Variants in COG3 observed in about 807,000 individuals in gnomAD.
COG3 encodes the protein conserved oligomeric Golgi complex subunit 3.
In COG3, 32 loss-of-function variants were observed where a neutral mutation model predicts 114.1. The observed-to-expected ratio is 0.28, with a 90% CI of 0.21 to 0.38. The LOEUF is 0.38. Among genes scored for constraint, COG3 ranks in the 10% least tolerant of loss-of-function variants. The probability of loss-of-function intolerance (pLI) is 1.00; values close to 1 mark genes in which losing one functional copy is unlikely to be tolerated. For synonymous variants in COG3, 352 were observed against 365.7 expected (o/e 0.96, Z 0.43); for missense variants, 813 against 973.2 (o/e 0.84, Z 2.19).
intron 21 of COG3, 25 bp from the exon 22 acceptor site, chr13:45,530,657 A>G: frequency 7.2e-7 from 1 of 1,381,192 alleles, no homozygotes; most frequent in Non-Finnish European, 1.0e-6. Flanking sequence ...CTCATTTGAT[A>G]AGATCTCCTC....
intron 9 of COG3, 103 bp downstream of exon 9, chr13:45,491,061 G>T: frequency 1.3e-6 from 1 of 777,740 alleles, no homozygotes; most frequent in Non-Finnish European, 2.1e-6. Flanking sequence ...TTGCCTTCCA[G>T]CTTGTTCTTG....
At chr13:45,534,009 G>A (rs1422391077) in intron 22 of COG3, among the ~76,000 whole-genome samples, 1 of 152,244 alleles carries the variant, frequency 6.6e-6, no homozygotes, top group Non-Finnish European at 1.5e-5. Flanking sequence ...GGGCCTGGGT[G>A]TCAGACACCT....
chr13:45,532,514 C>T (rs1873241386), intron 22 of COG3, among the ~76,000 whole-genome samples: 1 of 151,254 alleles, frequency 6.6e-6, no homozygotes, highest in African/African-American at 2.4e-5. Context: ...CCCTTCCCTC[C>T]CCTATAGTTA....
rs781485191 is a variant in COG3, at chr13:45,476,288, C to A, written c.262C>A (p.Leu88Ile). ...SVVPESTEDI[L>I]LKGFTSLGME... ...AGTGCCTGAATCTACAGAAGACATTCTCTTGAAGGGCTTCACTTCCTTAGG... is the reference window on the plus strand; with the variant it reads ...AGTGCCTGAATCTACAGAAGACATTATCTTGAAGGGCTTCACTTCCTTAGG... The change falls in exon 2 of 23, where the codon CTC becomes ATC. Residue 88 changes from leucine (L) to isoleucine (I), a missense_variant. Around this residue, in one of 2 missense-constraint regions of COG3, gnomAD observed 424 missense variants for 430.6 expected, o/e 0.98. Transcript: ENST00000349995. The A allele has an allele frequency of 6.8e-6, 11 of 1,613,996 alleles. No homozygotes were observed. The South Asian group carries it at 8.8e-5, about 13-fold the overall frequency.
At chr13:45,528,611 T>C (rs1872898374) in intron 20 of COG3, among the ~76,000 whole-genome samples, 2 of 152,342 alleles carry the variant, frequency 1.3e-5, no homozygotes, top group East Asian at 1.9e-4. Flanking sequence ...CTTCCCAAAA[T>C]TGTTTATGTG....
intron 13 of COG3, 22 bp from the exon 14 acceptor site, chr13:45,503,222 T>C: frequency 8.5e-7 from 1 of 1,175,798 alleles, no homozygotes; most frequent in Non-Finnish European, 1.3e-6. Context: ...ACGGTAACAT[T>C]CCTTCTGATT....
chr13:45,529,984 A>C, intron 21 of COG3, 66 bp downstream of exon 21: 1 of 1,528,136 alleles, frequency 6.5e-7, no homozygotes, highest in East Asian at 2.4e-5. Flanking sequence ...CTCATTTACC[A>C]TTTTCCTTTT....
intron 14 of COG3, among the ~76,000 whole-genome samples, chr13:45,507,923 G>T (rs961354261): frequency 9.3e-5 from 14 of 151,024 alleles, no homozygotes; most frequent in Non-Finnish European, 2.1e-4. Flanking sequence ...CAGAAAATTA[G>T]CCGGGTGTGG....
Position 45,484,232 on chromosome 13 carries a change from A to AT in COG3, c.843+886dup, listed in dbSNP as rs1277524745. Among the ~76,000 whole-genome samples the AT allele has an allele frequency of 2.0e-4, 30 of 151,588 alleles. 1 individual carries two copies. The highest frequency in any genetic ancestry group is 3.4e-3 in the Middle Eastern group (1 of 292). ...TTAGCTGACATACCAACTAACCTAT[A>AT]TTTTTTTTTATTTTTTGCAAAATTT... On this transcript the variant is annotated intron_variant, in intron 7 of 22. Transcript: ENST00000349995.
At chr13:45,512,061 G>A in intron 16 of COG3, 1 of 481,946 alleles carries the variant, frequency 2.1e-6, no homozygotes, top group South Asian at 3.0e-5. Context: ...CTTTGCTAAA[G>A]TACCAAAAGT....
chr13:45,472,970 T>C (rs1885616733), intron 1 of COG3, among the ~76,000 whole-genome samples: 3 of 152,166 alleles, frequency 2.0e-5, no homozygotes, highest in Admixed American at 1.3e-4. Context: ...CCTGGGTTCA[T>C]GCCATTCTCC....
chr13:45,492,104 C>A, intron 10 of COG3, 55 bp from the exon 11 acceptor site: 1 of 1,044,950 alleles, frequency 9.6e-7, no homozygotes, highest in Non-Finnish European at 1.5e-6. Context: ...ATTTCATAAA[C>A]ATCAGAAATG....
intron 7 of COG3, 129 bp downstream of exon 7, chr13:45,483,484 G>A (rs1351012211): frequency 7.7e-6 from 4 of 519,090 alleles, no homozygotes; most frequent in African/African-American, 2.0e-5. Context: ...TTAAGAATAT[G>A]TACTACAGCT....
intron 2 of COG3, among the ~76,000 whole-genome samples, chr13:45,478,080 T>C (rs1181811363): frequency 1.3e-5 from 2 of 152,244 alleles, no homozygotes; most frequent in African/African-American, 4.8e-5. Context: ...ATTAGCCTGT[T>C]AGGAAGAAAT....
chr13:45,505,892 G>A (rs1870089405), intron 14 of COG3, among the ~76,000 whole-genome samples: 1 of 152,036 alleles, frequency 6.6e-6, no homozygotes, highest in Non-Finnish European at 1.5e-5. Context: ...ACTGTGCCTG[G>A]CCTCTTTTTA....
intron 7 of COG3, 99 bp downstream of exon 7, chr13:45,483,454 C>A: frequency 1.1e-6 from 1 of 936,746 alleles, no homozygotes; most frequent in Non-Finnish European, 1.5e-6. Context: ...TTTGTAATTC[C>A]AAAAAATTTT....
At chr13:45,508,068 TAAAAAAAAAAAAA>T (rs10571583) in intron 14 of COG3, among the ~76,000 whole-genome samples, 13 of 32,272 alleles carry the variant, frequency 4.0e-4, no homozygotes, top group Admixed American at 6.3e-4. Context: ...AGGTCCAACC[TAAAAAAAAAAAAA>T]AAAAAAAAAA....
chr13:45,468,836 A>G (rs1473141144), intron 1 of COG3, among the ~76,000 whole-genome samples: 1 of 152,184 alleles, frequency 6.6e-6, no homozygotes, highest in African/African-American at 2.4e-5. Context: ...CAGTGCTGGT[A>G]AGCAGCAGGC....
chr13:45,490,885 T>G (rs1337545218), intron 8 of COG3, 30 bp from the exon 9 acceptor site: 2 of 1,453,248 alleles, frequency 1.4e-6, no homozygotes, highest in South Asian at 2.4e-5. Context: ...ACAGAGATGG[T>G]TTTTTGATGC....
Sources: gnomAD v4.1 joint callset for allele counts (sites outside exome capture counted in the v4.1 genomes callset) on GRCh38, gnomAD v4.1.1 for gene constraint, gnomAD v4.1.1 regional missense constraint, MANE v1.5 for transcripts, NCBI Gene and HGNC (gene_info 2026-07-23, HGNC 2026-07-21) for gene names.